The following KIF20B variants were observed in gnomAD, a reference collection of about 807,000 sequenced individuals.
KIF20B encodes kinesin-like protein KIF20B.
A neutral mutation model predicts 232.5 loss-of-function variants in KIF20B; 188 were observed. The ratio of observed to expected loss-of-function variants is 0.81; its 90% confidence interval spans 0.72 to 0.91. The LOEUF is 0.91. KIF20B is among the 40% of genes least tolerant of loss of function. The probability of loss-of-function intolerance (pLI) is 0.00; values close to 1 mark genes in which losing one functional copy is unlikely to be tolerated. For synonymous variants in KIF20B, 712 were observed against 683.0 expected (o/e 1.04, Z -0.66); for missense variants, 2,154 against 2,055.9 (o/e 1.05, Z -0.92).
At chr10:89,703,219 C>T (rs1256367167) in intron 1 of KIF20B, among the ~76,000 whole-genome samples, 1 of 152,002 alleles carries the variant, frequency 6.6e-6, no homozygotes, top group South Asian at 2.1e-4. Context: ...GCAGATGCTC[C>T]CCCCTCTGCA....
In KIF20B at chr10:89,751,330, C is replaced by A. The variant is rs778146542; in HGVS notation, c.4097-16C>A. On this transcript the variant is annotated splice_polypyrimidine_tract_variant and intron_variant, in intron 23 of 32. Transcript: ENST00000371728. ...AGAGGCTATTAATTTCTAAAATGTT[C>A]TCCCCCGATTTTTAGATCTAAATGT... is the stretch of plus-strand genomic sequence containing the variant. 2 of 1,578,290 alleles carry A rather than the reference C, an allele frequency of 1.3e-6. No individual in the cohort carries two copies. The highest frequency in any genetic ancestry group is 1.9e-5 in the Admixed American group (1 of 53,338).
In KIF20B at chr10:89,754,533, TATA is replaced by T. The variant is rs757434970; in HGVS notation, c.4366_4368del (p.Asn1456del). 5.0e-6 allele frequency: 8 copies of T among 1,595,332 alleles called. No individual in the cohort carries two copies. Among genetic ancestry groups the T allele is most frequent in the Admixed American group, 1.7e-5 (1 of 57,810 alleles). ...ATATATACAGGAGTCTGAACAGAAATATAATGCTGATAGAAAGAAATGGTTAGA... is the reference window on the plus strand; with the variant it reads ...ATATATACAGGAGTCTGAACAGAAATATGCTGATAGAAAGAAATGGTTAGA... On this transcript the variant is annotated inframe_deletion, in exon 26 of 33. Coordinates refer to ENST00000371728, the MANE Select transcript of KIF20B (RefSeq NM_001284259.2).
In KIF20B at chr10:89,763,010, G is replaced by A. The variant is rs116866193; in HGVS notation, c.4989+175G>A. 7.6e-4 allele frequency among the ~76,000 whole-genome samples: 115 copies of A among 152,202 alleles called. 2 individuals carry two copies. The East Asian group carries it at 0.018, about 23-fold the overall frequency. ...AAGGATATCACTGTGGGCCAGGCGT[G>A]GTGACTCATGCCTGTAATCCCAGCA... On this transcript the variant is annotated intron_variant, in intron 29 of 32. Transcript: ENST00000371728.
Position 89,736,243 on chromosome 10 carries a change from C to T in KIF20B, c.2546-1144C>T, listed in dbSNP as rs186968199. Among the ~76,000 whole-genome samples the T allele has an allele frequency of 6.6e-5, 10 of 152,172 alleles. 1 individual carries two copies. The highest frequency in any genetic ancestry group is 2.4e-4 in the African/African-American group (10 of 41,542). ...TGTTTTGAAGTAAGGTTTCGAGGAT[C>T]TGAGACACTCATCTGACCCTTAATG... On this transcript the variant is annotated intron_variant, in intron 19 of 32. Coordinates refer to ENST00000371728, the MANE Select transcript of KIF20B (RefSeq NM_001284259.2).
Position 89,729,263 on chromosome 10 carries a change from T to A in KIF20B, c.2391+16T>A. ...TAAATGCAATGTAAGAATTTAACCTTGTGTTATATTAATAAATTAGATAAG... is the reference window on the plus strand; with the variant it reads ...TAAATGCAATGTAAGAATTTAACCTAGTGTTATATTAATAAATTAGATAAG... On this transcript the variant is annotated intron_variant, in intron 18 of 32. Coordinates refer to ENST00000371728, the MANE Select transcript of KIF20B (RefSeq NM_001284259.2). 6.2e-6 allele frequency: 9 copies of A among 1,454,336 alleles called. No individual in the cohort carries two copies. Among genetic ancestry groups the A allele is most frequent in the Non-Finnish European group, 7.4e-6 (8 of 1,087,936 alleles). 90.1% of individuals were successfully genotyped at this position (1,454,336 alleles called of 1,614,324 possible). A position where few individuals can be genotyped will look rare whatever the true frequency, so the allele number is the denominator to read the frequency against.
chr10:89,702,646 T>C (rs538960721), intron 1 of KIF20B, among the ~76,000 whole-genome samples: 1 of 152,308 alleles, frequency 6.6e-6, no homozygotes, highest in East Asian at 1.9e-4. Context: ...TGGATTCTTA[T>C]TGGAGAGAGG....
chr10:89,705,457 G>A lies in KIF20B; in HGVS notation c.147+16G>A, dbSNP rs747774597. ...AAATACTGAGGTAAGTACAAGAAAA[G>A]TATTGTGTTGATTATCATGCCTCCT... On this transcript the variant is annotated intron_variant, in intron 2 of 32. Transcript: ENST00000371728. 1 of 1,611,012 alleles carries A rather than the reference G, an allele frequency of 6.2e-7. No homozygotes were observed. Among genetic ancestry groups the A allele is most frequent in the South Asian group, 1.1e-5 (1 of 90,532 alleles).
chr10:89,737,561 A>T lies in KIF20B; in HGVS notation c.2720A>T (p.Glu907Val). 1 of 1,607,584 alleles carries T rather than the reference A, an allele frequency of 6.2e-7. No individual in the cohort carries two copies. The highest frequency in any genetic ancestry group is 8.5e-7 in the Non-Finnish European group (1 of 1,177,396). ...ELKNEKEEKA[E>V]LNKQIVHFQQ... Reference sequence around the variant, plus strand: ...AAAAATGAAAAGGAAGAAAAAGCAGAATTAAATAAACAGATTGTTCATTTT... The same window carrying T: ...AAAAATGAAAAGGAAGAAAAAGCAGTATTAAATAAACAGATTGTTCATTTT... Residue 907 changes from glutamate (E) to valine (V), a missense_variant, in exon 20 of 33, where the codon GAA becomes GTA. Coordinates refer to ENST00000371728, the MANE Select transcript of KIF20B (RefSeq NM_001284259.2).
At chr10:89,717,871 T>C in intron 11 of KIF20B, 149 bp downstream of exon 11, 1 of 520,242 alleles carries the variant, frequency 1.9e-6, no homozygotes, top group Middle Eastern at 5.2e-4. Context: ...ACTTAAGAGA[T>C]CTTGGATTAA....
intron 29 of KIF20B, among the ~76,000 whole-genome samples, chr10:89,766,701 T>G (rs1024656639): frequency 6.6e-6 from 1 of 152,146 alleles, no homozygotes; most frequent in Non-Finnish European, 1.5e-5. Context: ...CAAGCTGATG[T>G]AAGAGCAGAA....
chr10:89,722,676 AT>A (rs1238811031), intron 13 of KIF20B, among the ~76,000 whole-genome samples: 2 of 152,306 alleles, frequency 1.3e-5, no homozygotes, highest in Admixed American at 6.5e-5. Flanking sequence ...CTCAAAAAAA[AT>A]AAATAAATAA....
At chr10:89,742,821 TC>T (rs1241236509) in intron 21 of KIF20B, among the ~76,000 whole-genome samples, 1 of 150,994 alleles carries the variant, frequency 6.6e-6, no homozygotes, top group East Asian at 2.0e-4. Context: ...TGCCTCAGTC[TC>T]CCGAGTAGCT....
rs543007275 is a variant in KIF20B at position 89,743,864 on chromosome 10, G to A, written c.3972G>A (p.Glu1324=). Residue 1324 remains glutamate, a synonymous_variant, in exon 22 of 33, where the codon GAG becomes GAA. Transcript: ENST00000371728. The part of the protein sequence containing the change: ...KLLRIKINEL[E]KKKNQCSQEL... Reference sequence around the variant, plus strand: ...TGAGGATTAAAATTAATGAACTGGAGAAAAAGAAAAACCAGTGTTCTCAGG... The same window carrying A: ...TGAGGATTAAAATTAATGAACTGGAAAAAAAGAAAAACCAGTGTTCTCAGG... 1.9e-6 allele frequency: 3 copies of A among 1,582,068 alleles called. No homozygotes were observed. In the African/African-American group the frequency reaches 4.1e-5, roughly 22 times the overall value.
intron 5 of KIF20B, among the ~76,000 whole-genome samples, chr10:89,710,518 C>T (rs968653380): frequency 3.3e-5 from 5 of 152,280 alleles, no homozygotes; most frequent in Admixed American, 3.3e-4. Context: ...CAAGAGCCAC[C>T]ATGCCTGGCC....
rs570033679 is a variant in KIF20B, at chr10:89,709,110, G to A, written c.148-57G>A. The A allele has an allele frequency of 1.7e-5, 20 of 1,210,348 alleles. 1 individual carries two copies. The Admixed American group carries it at 3.6e-4, about 22-fold the overall frequency. 75.0% of individuals were successfully genotyped at this position (1,210,348 alleles called of 1,614,324 possible). On this transcript the variant is annotated intron_variant, in intron 2 of 32. Transcript: ENST00000371728. ...AAAGTAGCCATGTTAAGGAAAAATG[G>A]TCTCTGAAAAGCCGTATCTTTCAAA...
In KIF20B at chr10:89,754,508, A is replaced by G. The variant is rs371690204; in HGVS notation, c.4348-10A>G. ...CATGCGATAATAACTTATACCATTT[A>G]TATATACAGGAGTCTGAACAGAAAT... On this transcript the variant is annotated splice_polypyrimidine_tract_variant and intron_variant, in intron 25 of 32. Transcript: ENST00000371728. 7 of 1,531,208 alleles carry G rather than the reference A, an allele frequency of 4.6e-6. No individual in the cohort carries two copies. Among genetic ancestry groups the G allele is most frequent in the Non-Finnish European group, 6.2e-6 (7 of 1,137,942 alleles). 94.9% of individuals were successfully genotyped at this position (1,531,208 alleles called of 1,614,324 possible).
At chr10:89,743,701 C>T in intron 21 of KIF20B, 107 bp from the exon 22 acceptor site, 1 of 654,172 alleles carries the variant, frequency 1.5e-6, no homozygotes, top group Non-Finnish European at 2.4e-6. Flanking sequence ...TTCTTTTAGG[C>T]TGTAAAGGAT....
chr10:89,734,214 AG>A (rs1475391554), intron 19 of KIF20B, among the ~76,000 whole-genome samples: 1 of 152,148 alleles, frequency 6.6e-6, no homozygotes, highest in Non-Finnish European at 1.5e-5. Flanking sequence ...GTTTGAGACC[AG>A]CCTGACCAAC....
In KIF20B at chr10:89,736,402, C is replaced by T. The variant is rs191761850; in HGVS notation, c.2546-985C>T. On this transcript the variant is annotated intron_variant, in intron 19 of 32. Transcript: ENST00000371728. ...GAATATAATTTATACTGGGCACTTA[C>T]GTGGGGTGAGTTTATTTGTCAGAGT... 5.9e-5 allele frequency among the ~76,000 whole-genome samples: 9 copies of T among 151,754 alleles called. No individual in the cohort carries two copies. The East Asian group carries it at 1.2e-3, about 20-fold the overall frequency.
Sources: allele counts gnomAD v4.1 joint callset (sites outside exome capture counted in the v4.1 genomes callset), GRCh38; gene constraint gnomAD v4.1.1; transcripts MANE v1.5; gene names NCBI Gene and HGNC (gene_info 2026-07-23, HGNC 2026-07-21).